The following ZMIZ1 variants were observed in gnomAD, a reference collection of about 807,000 sequenced individuals.
ZMIZ1 encodes zinc finger MIZ domain-containing protein 1.
In ZMIZ1, 17 loss-of-function variants were observed where a neutral mutation model predicts 113.9. The observed-to-expected ratio is 0.15, with a 90% CI of 0.10 to 0.22. The LOEUF (loss-of-function observed/expected upper bound fraction) is 0.22, where lower values mean the gene tolerates loss of function less well. Ranked by LOEUF, ZMIZ1 falls within the 10% of genes least tolerant of loss-of-function variation. The probability of loss-of-function intolerance (pLI) is 1.00; values close to 1 mark genes in which losing one functional copy is unlikely to be tolerated. For synonymous variants in ZMIZ1, 607 were observed against 603.1 expected (o/e 1.01, Z -0.09); for missense variants, 1,059 against 1,477.8 (o/e 0.72, Z 4.65).
chr10:79,310,247 A>G lies in ZMIZ1; in HGVS notation c.2836-677A>G, dbSNP rs978828137. Among the ~76,000 whole-genome samples the G allele has an allele frequency of 4.6e-5, 7 of 152,234 alleles. No homozygotes were observed. The East Asian group carries it at 1.4e-3, about 29-fold the overall frequency. ...GCCGACCAAGTGGGATGTCTAGGAA[A>G]AGGGTCTGGCAGGGTGTGAAGATGC... On this transcript the variant is annotated intron_variant, in intron 23 of 24. Transcript: ENST00000334512.
intron 4 of ZMIZ1, among the ~76,000 whole-genome samples, chr10:79,194,561 C>G (rs1847753941): frequency 1.3e-5 from 2 of 152,216 alleles, no homozygotes; most frequent in Admixed American, 1.3e-4. Flanking sequence ...CTCCCCCAGC[C>G]GTTGAGACCG....
chr10:79,133,817 T>C (rs1190355516), intron 2 of ZMIZ1, among the ~76,000 whole-genome samples: 1 of 152,174 alleles, frequency 6.6e-6, no homozygotes, highest in Non-Finnish European at 1.5e-5. Flanking sequence ...ATAAATAGGC[T>C]CCTCTGATTC....
intron 13 of ZMIZ1, among the ~76,000 whole-genome samples, chr10:79,297,298 T>G (rs1421623429): frequency 6.6e-6 from 1 of 152,252 alleles, no homozygotes; most frequent in African/African-American, 2.4e-5. Context: ...CTTTATTATT[T>G]TACATTTATT....
At chr10:79,305,026 C>A in intron 19 of ZMIZ1, 138 bp from the exon 20 acceptor site, 4 of 927,432 alleles carry the variant, frequency 4.3e-6, no homozygotes, top group Non-Finnish European at 6.8e-6. Context: ...TGCTTTCATT[C>A]CACCCAGCCC....
chr10:79,305,998 G>A, intron 21 of ZMIZ1, 102 bp from the exon 22 acceptor site: 1 of 1,517,152 alleles, frequency 6.6e-7, no homozygotes, highest in Non-Finnish European at 8.8e-7. Context: ...TGGGAGCAGG[G>A]GCCTCAACAA....
At chr10:79,205,697 G>C (rs970143439) in intron 5 of ZMIZ1, among the ~76,000 whole-genome samples, 1 of 152,156 alleles carries the variant, frequency 6.6e-6, no homozygotes. Flanking sequence ...ACGGGGTTTG[G>C]ACCATGTCTG....
intron 3 of ZMIZ1, among the ~76,000 whole-genome samples, chr10:79,143,544 G>A (rs1845357197): frequency 6.6e-6 from 1 of 152,152 alleles, no homozygotes; most frequent in South Asian, 2.1e-4. Context: ...CCTGTGTTGT[G>A]CCAAATGCAG....
At chr10:79,278,192 T>A (rs527288418) in intron 8 of ZMIZ1, among the ~76,000 whole-genome samples, 1 of 152,320 alleles carries the variant, frequency 6.6e-6, no homozygotes, top group South Asian at 2.1e-4. Flanking sequence ...ACCTTAGTGC[T>A]CATCATGTCC....
intron 7 of ZMIZ1, among the ~76,000 whole-genome samples, chr10:79,229,741 G>A (rs1031451379): frequency 6.6e-6 from 1 of 152,152 alleles, no homozygotes; most frequent in African/African-American, 2.4e-5. Flanking sequence ...ACCCAGACCT[G>A]GCAGGGACAT....
intron 6 of ZMIZ1, among the ~76,000 whole-genome samples, 176 bp downstream of exon 6, chr10:79,208,625 C>A (rs538822259): frequency 1.1e-4 from 16 of 152,328 alleles, no homozygotes; most frequent in Admixed American, 1.0e-3. Flanking sequence ...CACGTGCACA[C>A]CCTCAGGGGA....
Position 79,293,561 on chromosome 10 carries a change from A to G in ZMIZ1, c.1138A>G (p.Thr380Ala). Residue 380 changes from threonine to alanine, a missense_variant, in exon 12 of 25, where the codon ACA (threonine) becomes GCA (alanine). Around this residue, in one of 6 missense-constraint regions of ZMIZ1, gnomAD observed 239 missense variants for 247.5 expected, o/e 0.97. Transcript: ENST00000334512. Reference protein sequence around the residue: ...PRPPGISPFGTHGQRMPQQTY... With the variant: ...PRPPGISPFGAHGQRMPQQTY... ...GCCGCCCGGCATCAGCCCCTTTGGC[A>G]CACACGGGCAGCGGATGCCCCAGCA... 1.2e-6 allele frequency: 2 copies of G among 1,612,928 alleles called. No individual in the cohort carries two copies. The highest frequency in any genetic ancestry group is 1.7e-6 in the Non-Finnish European group (2 of 1,179,930).
At chr10:79,306,559 C>T (rs1854713914) in intron 22 of ZMIZ1, among the ~76,000 whole-genome samples, 1 of 152,188 alleles carries the variant, frequency 6.6e-6, no homozygotes, top group Admixed American at 6.5e-5. Context: ...GGGAGATAGA[C>T]TGCTGCCTCT....
intron 7 of ZMIZ1, among the ~76,000 whole-genome samples, chr10:79,231,842 T>A (rs1002762916): frequency 7.2e-5 from 11 of 152,134 alleles, no homozygotes; most frequent in Non-Finnish European, 2.9e-5. Context: ...CCTCCCAAAG[T>A]GCTGGGATTA....
chr10:79,247,324 A>G (rs1055486020), intron 7 of ZMIZ1, among the ~76,000 whole-genome samples: 5 of 152,200 alleles, frequency 3.3e-5, no homozygotes, highest in Non-Finnish European at 7.3e-5. Context: ...TCCAGGACCC[A>G]TAGTGAGTCC....
At chr10:79,231,355 C>T (rs1001929616) in intron 7 of ZMIZ1, among the ~76,000 whole-genome samples, 1 of 152,190 alleles carries the variant, frequency 6.6e-6, no homozygotes, top group Non-Finnish European at 1.5e-5. Flanking sequence ...TCAAGCGATC[C>T]TCTTGCCTCA....
At chr10:79,294,709 G>T (rs911794881) in intron 12 of ZMIZ1, 1 of 152,286 alleles carries the variant, frequency 6.6e-6, no homozygotes, top group African/African-American at 2.4e-5. Context: ...TGAGCAGGGT[G>T]TGCCCAGCTC....
chr10:79,312,180 A>G (rs555450895), intron 24 of ZMIZ1, among the ~76,000 whole-genome samples: 1 of 152,348 alleles, frequency 6.6e-6, no homozygotes, highest in East Asian at 1.9e-4. Flanking sequence ...AGGCTCACCA[A>G]GGAGTGGCGA....
chr10:79,154,080 A>G (rs1442420566), intron 3 of ZMIZ1, among the ~76,000 whole-genome samples: 5 of 152,208 alleles, frequency 3.3e-5, no homozygotes, highest in Admixed American at 2.0e-4. Flanking sequence ...ATGTCAGTTC[A>G]TCTAATCCTT....
Position 79,293,548 on chromosome 10 carries a change from C to T in ZMIZ1, c.1125C>T (p.Ile375=), listed in dbSNP as rs766799787. The T allele has an allele frequency of 2.5e-6, 4 of 1,612,520 alleles. No individual in the cohort carries two copies. Among genetic ancestry groups the T allele is most frequent in the Admixed American group, 3.3e-5 (2 of 59,998 alleles). The change falls in exon 12 of 25, where the codon ATC becomes ATT. Residue 375 remains isoleucine, a synonymous_variant. Coordinates refer to ENST00000334512, the MANE Select transcript of ZMIZ1 (RefSeq NM_020338.4). ...TGAACCAGCCCCGGCCGCCCGGCAT[C>T]AGCCCCTTTGGCACACACGGGCAGC... The part of the protein sequence containing the change: ...MGMNQPRPPG[I]SPFGTHGQRM...
Sources: allele counts gnomAD v4.1 joint callset (sites outside exome capture counted in the v4.1 genomes callset), GRCh38; gene constraint gnomAD v4.1.1; regional missense constraint gnomAD v4.1.1; transcripts MANE v1.5; gene names NCBI Gene and HGNC (gene_info 2026-07-23, HGNC 2026-07-21).